DLGAP1: variants seen among roughly 807,000 people sequenced by gnomAD.
DLGAP1 encodes disks large-associated protein 1.
A neutral mutation model predicts 90.8 loss-of-function variants in DLGAP1; 11 were observed. The ratio of observed to expected loss-of-function variants is 0.12; its 90% CI spans 0.08 to 0.20. The LOEUF is 0.20. DLGAP1 is among the 10% of genes least tolerant of loss of function. The pLI is 1.00. For synonymous variants in DLGAP1, 558 were observed against 540.7 expected, an observed-to-expected ratio of 1.03 and a Z score of -0.44; for missense variants, 1,050 against 1,333.8, an observed-to-expected ratio of 0.79 and a Z score of 3.31.
intron 1 of DLGAP1, among the ~76,000 whole-genome samples, chr18:4,204,711 T>C (rs147650518): frequency 2.6e-4 from 39 of 152,268 alleles, no homozygotes; most frequent in Non-Finnish European, 3.8e-4. Context: ...GGAATACATT[T>C]GAAATGTAGA....
chr18:3,576,364 A>G (rs1479090804), intron 8 of DLGAP1, among the ~76,000 whole-genome samples: 1 of 150,924 alleles, frequency 6.6e-6, no homozygotes, highest in Non-Finnish European at 1.5e-5. Flanking sequence ...GGTTCAATCA[A>G]TTCTCTGTCT....
At chr18:3,984,789 A>T (rs1403999052) in intron 3 of DLGAP1, among the ~76,000 whole-genome samples, 1 of 151,142 alleles carries the variant, frequency 6.6e-6, no homozygotes, top group African/African-American at 2.4e-5. Context: ...GCCCAGGTTC[A>T]TCTTTCCCCT....
intron 1 of DLGAP1, among the ~76,000 whole-genome samples, chr18:4,401,358 T>G (rs1383379415): frequency 1.3e-5 from 2 of 152,228 alleles, no homozygotes; most frequent in African/African-American, 4.8e-5. Context: ...AAAACCATGC[T>G]GCTTATTCTG....
At chr18:3,645,158 G>T (rs2059074191) in intron 7 of DLGAP1, among the ~76,000 whole-genome samples, 1 of 152,000 alleles carries the variant, frequency 6.6e-6, no homozygotes, top group African/African-American at 2.4e-5. Context: ...GAGTGCAGTG[G>T]AGGAATCACA....
At chr18:3,938,382 G>A (rs2072689566) in intron 3 of DLGAP1, among the ~76,000 whole-genome samples, 1 of 152,170 alleles carries the variant, frequency 6.6e-6, no homozygotes, top group South Asian at 2.1e-4. Context: ...AGTGTAAGGG[G>A]ATGAGAAAAA....
intron 1 of DLGAP1, among the ~76,000 whole-genome samples, chr18:4,405,600 GA>G (rs942687496): frequency 6.6e-6 from 1 of 152,130 alleles, no homozygotes; most frequent in African/African-American, 2.4e-5. Context: ...TAGACAGTGA[GA>G]GGGGACACAA....
At chr18:3,812,730 G>T (rs1395970267) in intron 5 of DLGAP1, among the ~76,000 whole-genome samples, 4 of 152,248 alleles carry the variant, frequency 2.6e-5, no homozygotes, top group Non-Finnish European at 4.4e-5. Context: ...GTCTCTGTCC[G>T]GATCTTTAAA....
chr18:3,980,074 T>C (rs1319100138), intron 3 of DLGAP1, among the ~76,000 whole-genome samples: 2 of 151,988 alleles, frequency 1.3e-5, no homozygotes, highest in Non-Finnish European at 2.9e-5. Context: ...AGGTGGTTGT[T>C]ACAGTAAGCC....
At chr18:4,160,774 C>G (rs1205613508) in intron 1 of DLGAP1, among the ~76,000 whole-genome samples, 2 of 152,158 alleles carry the variant, frequency 1.3e-5, no homozygotes, top group East Asian at 3.9e-4. Context: ...TTTCCCCCTT[C>G]TTATTTAATT....
chr18:4,408,035 C>A (rs1008156525), intron 1 of DLGAP1, among the ~76,000 whole-genome samples: 1 of 151,880 alleles, frequency 6.6e-6, no homozygotes, highest in Admixed American at 6.6e-5. Flanking sequence ...TAAGATCATA[C>A]AAATCTGTAA....
At chr18:3,602,106 G>C (rs1599477447) in intron 7 of DLGAP1, among the ~76,000 whole-genome samples, 2 of 152,084 alleles carry the variant, frequency 1.3e-5, no homozygotes, top group Non-Finnish European at 2.9e-5. Context: ...GTACAAGCCG[G>C]GTGCCGCGCA....
intron 7 of DLGAP1, among the ~76,000 whole-genome samples, chr18:3,604,709 GTTATC>G (rs2057244494): frequency 6.6e-6 from 1 of 152,062 alleles, no homozygotes; most frequent in African/African-American, 2.4e-5. Context: ...CAGTTTTAAT[GTTATC>G]TTCTGGAGTA....
chr18:4,204,663 T>G (rs1269182307), intron 1 of DLGAP1, among the ~76,000 whole-genome samples: 1 of 152,200 alleles, frequency 6.6e-6, no homozygotes, highest in Non-Finnish European at 1.5e-5. Flanking sequence ...TTGAAAAATC[T>G]ATTACTTAAT....
intron 1 of DLGAP1, among the ~76,000 whole-genome samples, chr18:4,321,611 A>G (rs193058372): frequency 6.6e-6 from 1 of 152,368 alleles, no homozygotes. Flanking sequence ...TACTGAAAAC[A>G]GGCTTTGAAC....
intron 7 of DLGAP1, among the ~76,000 whole-genome samples, chr18:3,684,517 G>C (rs974540941): frequency 8.6e-5 from 13 of 151,972 alleles, no homozygotes; most frequent in Non-Finnish European, 7.4e-5. Flanking sequence ...TTTTATTTAA[G>C]CCATACTGCT....
intron 2 of DLGAP1, among the ~76,000 whole-genome samples, chr18:4,102,604 C>T (rs2075798244): frequency 6.6e-6 from 1 of 152,114 alleles, no homozygotes; most frequent in African/African-American, 2.4e-5. Flanking sequence ...CTGGAGTAAG[C>T]CCTACTTACT....
At chr18:3,576,469 C>A (rs1310676876) in intron 8 of DLGAP1, among the ~76,000 whole-genome samples, 1 of 151,864 alleles carries the variant, frequency 6.6e-6, no homozygotes, top group Non-Finnish European at 1.5e-5. Context: ...CCATCTTGGC[C>A]AGGCTGGTAT....
intron 2 of DLGAP1, among the ~76,000 whole-genome samples, chr18:4,045,413 T>C (rs1598297018): frequency 1.5e-5 from 1 of 67,044 alleles, no homozygotes; most frequent in East Asian, 6.2e-4. Context: ...CTGTGTAACA[T>C]AGAAAGACCC....
chr18:3,994,352 C>G (rs537906163), intron 3 of DLGAP1, among the ~76,000 whole-genome samples: 2 of 152,160 alleles, frequency 1.3e-5, no homozygotes, highest in Non-Finnish European at 2.9e-5. Context: ...CCTAGAGTGG[C>G]GAGGGCTTCC....
Sources: gnomAD v4.1 joint callset for allele counts (sites outside exome capture counted in the v4.1 genomes callset) on GRCh38, gnomAD v4.1.1 for gene constraint, MANE v1.5 for transcripts, NCBI Gene and HGNC (gene_info 2026-07-23, HGNC 2026-07-21) for gene names.